Variants in CNGB3 observed in about 807,000 individuals in gnomAD.
CNGB3 encodes the protein cyclic nucleotide-gated channel beta-3.
Under a neutral mutation model 92.8 loss-of-function variants are expected in CNGB3, and 86 were observed. The ratio of observed to expected loss-of-function variants is 0.93; its 90% confidence interval spans 0.78 to 1.11. CNGB3 has a LOEUF of 1.11. Ranked by LOEUF, CNGB3 falls within the 50% of genes least tolerant of loss-of-function variation. The probability of loss-of-function intolerance (pLI) is 0.00; values close to 1 mark genes in which losing one functional copy is unlikely to be tolerated. For missense variants in CNGB3, 1,026 were observed against 956.8 expected, an observed-to-expected ratio of 1.07 and a Z score of -0.95; for synonymous variants, 333 against 332.7, an observed-to-expected ratio of 1.00 and a Z score of -0.01.
At chr8:86,603,837 A>T (rs971783664) in intron 15 of CNGB3, among the ~76,000 whole-genome samples, 2 of 152,182 alleles carry the variant, frequency 1.3e-5, no homozygotes, top group South Asian at 4.1e-4. Context: ...TTGCACATCC[A>T]TTCAACATAT....
chr8:86,613,123 A>G (rs1243201140), intron 13 of CNGB3, among the ~76,000 whole-genome samples: 1 of 152,208 alleles, frequency 6.6e-6, no homozygotes, highest in Non-Finnish European at 1.5e-5. Flanking sequence ...GATGAGGATG[A>G]TTTGTATTTG....
At chr8:86,694,175 C>T in intron 3 of CNGB3, among the ~76,000 whole-genome samples, 1 of 131,464 alleles carries the variant, frequency 7.6e-6, no homozygotes. Context: ...GGGCGGGGGG[C>T]TGACCCCCCC....
At chr8:86,608,272 C>T (rs1822449952) in intron 14 of CNGB3, among the ~76,000 whole-genome samples, 1 of 152,174 alleles carries the variant, frequency 6.6e-6, no homozygotes, top group Admixed American at 6.5e-5. Flanking sequence ...TGAGGGGACA[C>T]AGTGAGAAGT....
At chr8:86,589,302 T>C (rs1233625338) in intron 15 of CNGB3, among the ~76,000 whole-genome samples, 3 of 151,236 alleles carry the variant, frequency 2.0e-5, no homozygotes, top group African/African-American at 7.3e-5. Flanking sequence ...CCTGGATTCA[T>C]TAATTTTTTG....
chr8:86,662,192 T>G (rs1018084798), intron 6 of CNGB3, among the ~76,000 whole-genome samples: 11 of 152,236 alleles, frequency 7.2e-5, no homozygotes, highest in African/African-American at 2.7e-4. Flanking sequence ...TCACAGAAAC[T>G]TCATAATTTT....
At chr8:86,682,418 C>T (rs1281422972) in intron 3 of CNGB3, among the ~76,000 whole-genome samples, 3 of 152,130 alleles carry the variant, frequency 2.0e-5, no homozygotes, top group Non-Finnish European at 4.4e-5. Context: ...ACTTCTCCAG[C>T]TATGAGTAAA....
intron 2 of CNGB3, among the ~76,000 whole-genome samples, chr8:86,737,897 C>T (rs1287724027): frequency 6.6e-6 from 1 of 152,122 alleles, no homozygotes; most frequent in Non-Finnish European, 1.5e-5. Context: ...AGGGATATTC[C>T]TTGACAGCAA....
At chr8:86,677,557 G>A (rs1823999684) in intron 3 of CNGB3, among the ~76,000 whole-genome samples, 1 of 152,160 alleles carries the variant, frequency 6.6e-6, no homozygotes, top group Admixed American at 6.6e-5. Flanking sequence ...GTAAAAGCCT[G>A]CATAGAACAA....
chr8:86,654,509 T>G (rs1823466309), intron 6 of CNGB3, among the ~76,000 whole-genome samples: 1 of 152,162 alleles, frequency 6.6e-6, no homozygotes, highest in Non-Finnish European at 1.5e-5. Context: ...CTCATTTACT[T>G]AAAATTAGTC....
chr8:86,598,006 A>T (rs5005980), intron 15 of CNGB3, among the ~76,000 whole-genome samples: 1,885 of 102,610 alleles, frequency 0.018, 23 homozygotes, highest in African/African-American at 0.084. Context: ...AAAATAAAAT[A>T]AAATTAAAAT....
intron 6 of CNGB3, chr8:86,660,725 A>G (rs549617514): frequency 2.1e-5 from 11 of 528,634 alleles, no homozygotes. Context: ...TCCCCCATCC[A>G]ATACATATCC....
Position 86,743,513 on chromosome 8 carries a change from GCTGAGACTGA to G in CNGB3, c.105_114del (p.Gln36LysfsTer44), listed in dbSNP as rs1586047969. ...AGAGGACATACCTGTGCTGTGGTTTGCTGAGACTGATTACTTGGGTGAGAGCCTTCTTCAT... is the reference window on the plus strand; with the variant it reads ...AGAGGACATACCTGTGCTGTGGTTTGTTACTTGGGTGAGAGCCTTCTTCAT... On this transcript the variant is annotated frameshift_variant, in exon 1 of 18. Transcript: ENST00000320005. LOFTEE classifies it high-confidence loss of function. 1 of 1,613,958 alleles carries G rather than the reference GCTGAGACTGA, an allele frequency of 6.2e-7. No individual in the cohort carries two copies. The highest frequency in any genetic ancestry group is 1.7e-4 in the Middle Eastern group (1 of 6,060).
At chr8:86,590,595 G>A (rs1232396354) in intron 15 of CNGB3, among the ~76,000 whole-genome samples, 9 of 150,764 alleles carry the variant, frequency 6.0e-5, no homozygotes, top group Middle Eastern at 6.8e-3. Context: ...TCCTTCACTT[G>A]TGAAGCTTAG....
intron 15 of CNGB3, among the ~76,000 whole-genome samples, chr8:86,595,001 CG>C (rs1168358781): frequency 5.3e-5 from 8 of 152,132 alleles, no homozygotes; most frequent in Non-Finnish European, 8.8e-5. Flanking sequence ...GGATTACAGG[CG>C]TGAGCCACCG....
rs200792506 is a variant in CNGB3 at position 86,671,107 on chromosome 8, GA to G, written c.339-10del. On this transcript the variant is annotated splice_polypyrimidine_tract_variant and intron_variant, in intron 3 of 17. Coordinates refer to ENST00000320005, the MANE Select transcript of CNGB3 (RefSeq NM_019098.5). ...GCGGTTTGTTTTGTGGGCTAAATGA[GA>G]AAAAAAATGGCAATAGAGATGGGCC... is the stretch of plus-strand genomic sequence containing the variant. 5 of 1,611,946 alleles carry G rather than the reference GA, an allele frequency of 3.1e-6. No homozygotes were observed. The highest frequency in any genetic ancestry group is 1.7e-6 in the Non-Finnish European group (2 of 1,179,406).
At chr8:86,599,100 A>G (rs964098498) in intron 15 of CNGB3, among the ~76,000 whole-genome samples, 3 of 152,224 alleles carry the variant, frequency 2.0e-5, no homozygotes, top group African/African-American at 7.2e-5. Flanking sequence ...GGCTGAAGCC[A>G]TGGCAGAAGA....
chr8:86,601,847 A>T (rs866617186), intron 15 of CNGB3, among the ~76,000 whole-genome samples: 50 of 152,302 alleles, frequency 3.3e-4, no homozygotes, highest in Middle Eastern at 6.8e-3. Context: ...AGCAAGTTTA[A>T]AGTTTGTCTG....
Position 86,628,973 on chromosome 8 carries a change from G to GC in CNGB3, c.1425dup (p.Gln476AlafsTer9). On this transcript the variant is annotated frameshift_variant, in exon 12 of 18. Coordinates refer to ENST00000320005, the MANE Select transcript of CNGB3 (RefSeq NM_019098.5). LOFTEE classifies it high-confidence loss of function. ...TCATACCAAGTCCGAACTCGCTTTT[G>GC]CACAAGTTTAGGAATGGAGTAATTG... 1 of 1,613,932 alleles carries GC rather than the reference G, an allele frequency of 6.2e-7. No individual in the cohort carries two copies. The highest frequency in any genetic ancestry group is 8.5e-7 in the Non-Finnish European group (1 of 1,179,914).
chr8:86,721,691 C>A (rs1489492837), intron 3 of CNGB3, among the ~76,000 whole-genome samples: 1 of 152,016 alleles, frequency 6.6e-6, no homozygotes, highest in Non-Finnish European at 1.5e-5. Flanking sequence ...TTATGCATCC[C>A]ACAAAATTGG....
Sources: gnomAD v4.1 joint callset for allele counts (sites outside exome capture counted in the v4.1 genomes callset) on GRCh38, gnomAD v4.1.1 for gene constraint, MANE v1.5 for transcripts, NCBI Gene and HGNC (gene_info 2026-07-23, HGNC 2026-07-21) for gene names.